Variants in OSGIN1 observed in about 807,000 individuals in gnomAD.
The protein encoded by OSGIN1 is oxidative stress induced growth inhibitor 1.
A neutral mutation model predicts 20.1 loss-of-function variants in OSGIN1; 19 were observed. The ratio of observed to expected loss-of-function variants is 0.95; its 90% CI spans 0.66 to 1.39. The LOEUF (loss-of-function observed/expected upper bound fraction) is 1.39, where lower values mean the gene tolerates loss of function less well. OSGIN1 is among the 40% of genes most tolerant of loss of function. The pLI is 0.00. For missense variants in OSGIN1, 820 were observed against 653.0 expected, an observed-to-expected ratio of 1.26 and a Z score of -2.79; for synonymous variants, 368 against 297.8, an observed-to-expected ratio of 1.24 and a Z score of -2.43.
At chr16:83,961,500 G>A (rs537035580) in intron 5 of OSGIN1, among the ~76,000 whole-genome samples, 17 of 152,256 alleles carry the variant, frequency 1.1e-4, no homozygotes, top group African/African-American at 3.9e-4. Context: ...AGGCAGGGTG[G>A]CCCTCAGCAG....
intron 1 of OSGIN1, among the ~76,000 whole-genome samples, chr16:83,957,275 G>A (rs1032795735): frequency 6.6e-6 from 1 of 152,184 alleles, no homozygotes; most frequent in South Asian, 2.1e-4. Context: ...GTCTGGCAGG[G>A]CTGGTTCCTG....
At chr16:83,961,969 T>C (rs554293184) in intron 5 of OSGIN1, among the ~76,000 whole-genome samples, 2 of 151,608 alleles carry the variant, frequency 1.3e-5, no homozygotes, top group South Asian at 2.1e-4. Flanking sequence ...CTTTTCTTTT[T>C]TTTTTTTTTA....
chr16:83,954,974 T>A (rs1172149803), intron 1 of OSGIN1, among the ~76,000 whole-genome samples: 1 of 151,954 alleles, frequency 6.6e-6, no homozygotes, highest in Non-Finnish European at 1.5e-5. Context: ...TGCCTGGGGG[T>A]GTCAGCCCAC....
rs758444757 is a variant in OSGIN1 at position 83,965,866 on chromosome 16, C to G, written c.1293C>G (p.Pro431=). Residue 431 remains proline, a synonymous_variant, in exon 6 of 6, where the codon CCC becomes CCG. Transcript: ENST00000393306. Reference sequence around the variant, plus strand: ...AGAGGAACCCCATTGACGTGGACCCCTTCACCTACCAGAGCACCCGCCAGG... The same window carrying G: ...AGAGGAACCCCATTGACGTGGACCCGTTCACCTACCAGAGCACCCGCCAGG... ...SAKRNPIDVD[P]FTYQSTRQEG... 3 of 1,612,864 alleles carry G rather than the reference C, an allele frequency of 1.9e-6. No individual in the cohort carries two copies. The East Asian group carries it at 6.7e-5, about 36-fold the overall frequency.
At position 83,960,143 on chromosome 16, in the gene OSGIN1, G is replaced by T. The variant is rs374622155; in HGVS notation, c.205-426G>T. On this transcript the variant is annotated intron_variant, in intron 3 of 5. Coordinates refer to ENST00000393306, the MANE Select transcript of OSGIN1 (RefSeq NM_182981.3). ...AATACTAGTTCCTCAGTATAATATA[G>T]AGAGAAAAATGTCCCCACTCCAGTA... Among the ~76,000 whole-genome samples, 63 of 152,294 alleles carry T rather than the reference G, an allele frequency of 4.1e-4. 1 individual carries two copies. Among genetic ancestry groups the T allele is most frequent in the African/African-American group, 1.4e-3 (58 of 41,576 alleles).
chr16:83,964,255 GAT>G (rs1245126593), intron 5 of OSGIN1, among the ~76,000 whole-genome samples: 1 of 152,126 alleles, frequency 6.6e-6, no homozygotes, highest in Non-Finnish European at 1.5e-5. Context: ...AGCGAGCTGA[GAT>G]CACACCACGG....
At chr16:83,962,278 G>T (rs1316860949) in intron 5 of OSGIN1, among the ~76,000 whole-genome samples, 1 of 152,058 alleles carries the variant, frequency 6.6e-6, no homozygotes, top group Admixed American at 6.5e-5. Flanking sequence ...TCCCTCTGTC[G>T]CCCAGGCTGG....
At position 83,960,585 on chromosome 16, in the gene OSGIN1, C is replaced by T. The variant is rs1909157563; in HGVS notation, c.221C>T (p.Ser74Phe). ...SILDQDLDYL[S>F]EGLEGRSQSP... ...CCCCTCCAGGACCTGGACTACCTGT[C>T]CGAAGGCCTCGAAGGCCGATCCCAA... Residue 74 changes from serine to phenylalanine, a missense_variant, in exon 4 of 6, where the codon TCC becomes TTC. Ser to Phe is a radical substitution (Grantham distance 155). Coordinates refer to ENST00000393306, the MANE Select transcript of OSGIN1 (RefSeq NM_182981.3). 1 of 1,613,172 alleles carries T rather than the reference C, an allele frequency of 6.2e-7. No individual in the cohort carries two copies. Among genetic ancestry groups the T allele is most frequent in the African/African-American group, 1.3e-5 (1 of 74,942 alleles).
At chr16:83,960,942 C>T (rs376935384) in intron 4 of OSGIN1, 39 bp from the exon 5 acceptor site, 94 of 1,592,874 alleles carry the variant, frequency 5.9e-5, no homozygotes, top group Non-Finnish European at 7.5e-5. Context: ...TGGGTTCAGG[C>T]GAGCAGAGGC....
At position 83,966,328 on chromosome 16, in the gene OSGIN1, C is replaced by A. The variant is rs2084280179; in HGVS notation, c.*321C>A. The A allele has an allele frequency of 2.5e-6, 1 of 407,642 alleles. No homozygotes were observed. The highest frequency in any genetic ancestry group is 4.4e-6 in the Non-Finnish European group (1 of 228,008). 25.3% of individuals were successfully genotyped at this position (407,642 alleles called of 1,614,324 possible). On this transcript the variant is annotated 3_prime_UTR_variant, in exon 6 of 6. Transcript: ENST00000393306. ...AGGTCCCAAATAAAGCCAGTGCCCACCTGCTCTCATGCGTCTGAGGACTCT... is the reference window on the plus strand; with the variant it reads ...AGGTCCCAAATAAAGCCAGTGCCCAACTGCTCTCATGCGTCTGAGGACTCT...
chr16:83,959,965 C>A (rs1052837479), intron 3 of OSGIN1, among the ~76,000 whole-genome samples: 2 of 152,198 alleles, frequency 1.3e-5, no homozygotes, highest in African/African-American at 4.8e-5. Context: ...TACCCCTTGT[C>A]TTCCACTGTG....
At chr16:83,958,766 A>C (rs1597178590) in intron 2 of OSGIN1, among the ~76,000 whole-genome samples, 2 of 152,122 alleles carry the variant, frequency 1.3e-5, no homozygotes. Context: ...GCCCACAAGC[A>C]CCCACCACTC....
rs369057201 is a variant in OSGIN1 at position 83,960,586 on chromosome 16, C to T, written c.222C>T (p.Ser74=). ...SILDQDLDYL[S]EGLEGRSQSP... Reference sequence around the variant, plus strand: ...CCCTCCAGGACCTGGACTACCTGTCCGAAGGCCTCGAAGGCCGATCCCAAA... The same window carrying T: ...CCCTCCAGGACCTGGACTACCTGTCTGAAGGCCTCGAAGGCCGATCCCAAA... Residue 74 remains serine (S), a synonymous_variant, in exon 4 of 6, where the codon TCC becomes TCT. Transcript: ENST00000393306. 39 of 1,613,134 alleles carry T rather than the reference C, an allele frequency of 2.4e-5. No individual in the cohort carries two copies. The highest frequency in any genetic ancestry group is 1.0e-4 in the Admixed American group (6 of 60,006).
chr16:83,961,782 C>T (rs907038), intron 5 of OSGIN1, among the ~76,000 whole-genome samples: 1,771 of 152,132 alleles, frequency 0.012, 25 homozygotes, highest in African/African-American at 0.04. Flanking sequence ...TGGGCCTCCC[C>T]ATAGTGCCCC....
intron 5 of OSGIN1, 111 bp downstream of exon 5, chr16:83,961,183 G>A: frequency 6.0e-6 from 5 of 834,712 alleles, no homozygotes; most frequent in Non-Finnish European, 9.8e-6. Flanking sequence ...CAAGGTTGAG[G>A]ACGCGCCCGT....
At position 83,960,603 on chromosome 16, in the gene OSGIN1, G is replaced by A. The variant is rs376918025; in HGVS notation, c.239G>A (p.Arg80Gln). 4.3e-6 allele frequency: 7 copies of A among 1,613,262 alleles called. No homozygotes were observed. The highest frequency in any genetic ancestry group is 3.3e-5 in the South Asian group (3 of 91,078). The change falls in exon 4 of 6, where the codon CGA (arginine) becomes CAA (glutamine). Residue 80 changes from arginine to glutamine, a missense_variant. Physicochemically the swap from Arg to Gln is conservative, Grantham distance 43. Coordinates refer to ENST00000393306, the MANE Select transcript of OSGIN1 (RefSeq NM_182981.3). The stretch of plus-strand genomic sequence containing the variant: ...TACCTGTCCGAAGGCCTCGAAGGCC[G>A]ATCCCAAAGCCCCGTGGCCCTGCTC... Reference protein sequence around the residue: ...LDYLSEGLEGRSQSPVALLFD... With the variant: ...LDYLSEGLEGQSQSPVALLFD...
chr16:83,959,459 C>G (rs931575924), intron 3 of OSGIN1, 63 bp downstream of exon 3: 1 of 1,478,788 alleles, frequency 6.8e-7, no homozygotes, highest in African/African-American at 1.4e-5. Flanking sequence ...ACTACCGCCG[C>G]TTTCCCAGGG....
chr16:83,961,645 A>C (rs907037), intron 5 of OSGIN1, among the ~76,000 whole-genome samples: 54,349 of 152,038 alleles, frequency 0.36, 11,178 homozygotes, highest in African/African-American at 0.58. Context: ...AGAGGGGGAA[A>C]CTGAGGCTCA....
At chr16:83,962,922 GGGGGCC>G (rs1318711378) in intron 5 of OSGIN1, among the ~76,000 whole-genome samples, 1 of 152,116 alleles carries the variant, frequency 6.6e-6, no homozygotes, top group African/African-American at 2.4e-5. Context: ...TTAGTGATTT[GGGGGCC>G]CCAAGATTGA....
Sources: gnomAD v4.1 joint callset for allele counts (sites outside exome capture counted in the v4.1 genomes callset) on GRCh38, gnomAD v4.1.1 for gene constraint, MANE v1.5 for transcripts, NCBI Gene and HGNC (gene_info 2026-07-23, HGNC 2026-07-21) for gene names.